The following ST6GAL1 variants were observed in gnomAD, a reference collection of about 807,000 sequenced individuals.
ST6GAL1 encodes the protein ST6 beta-galactoside alpha-2,6-sialyltransferase 1.
In ST6GAL1, 20 loss-of-function variants were observed where a neutral mutation model predicts 38.0. The observed-to-expected ratio is 0.53, with a 90% CI of 0.37 to 0.77. ST6GAL1 has a LOEUF of 0.77. ST6GAL1 is among the 30% of genes least tolerant of loss of function. The pLI is 0.00. For synonymous variants in ST6GAL1, 196 were observed against 188.2 expected, an observed-to-expected ratio of 1.04 and a Z score of -0.34; for missense variants, 432 against 496.4, an observed-to-expected ratio of 0.87 and a Z score of 1.23.
intron 2 of ST6GAL1, chr3:187,021,770 T>C (rs1374786845): frequency 6.9e-6 from 1 of 144,174 alleles, no homozygotes; most frequent in African/African-American, 2.6e-5. Context: ...AACCTTCCCA[T>C]GAGAGGTTCC....
intron 5 of ST6GAL1, chr3:187,064,519 G>C (rs1300169226): frequency 4.4e-6 from 2 of 456,656 alleles, no homozygotes; most frequent in East Asian, 1.4e-4. Context: ...TACACTTCTA[G>C]ATCTCTGTGC....
At chr3:186,989,348 C>A (rs1716071449) in intron 2 of ST6GAL1, among the ~76,000 whole-genome samples, 1 of 152,186 alleles carries the variant, frequency 6.6e-6, no homozygotes, top group African/African-American at 2.4e-5. Flanking sequence ...GGGAAGAGTT[C>A]AGTCCAACGT....
intron 2 of ST6GAL1, among the ~76,000 whole-genome samples, chr3:187,002,518 T>C (rs1178212837): frequency 2.6e-5 from 4 of 152,226 alleles, no homozygotes; most frequent in African/African-American, 7.2e-5. Context: ...CCTCATTTTT[T>C]ACATGGCCTT....
At chr3:186,937,476 AT>A (rs1714003310) in intron 1 of ST6GAL1, among the ~76,000 whole-genome samples, 2 of 152,172 alleles carry the variant, frequency 1.3e-5, no homozygotes, top group Admixed American at 6.5e-5. Context: ...CTTAACTTTA[AT>A]ACCCCAGTCT....
At chr3:187,071,601 C>T (rs67563526) in intron 5 of ST6GAL1, among the ~76,000 whole-genome samples, 3 of 150,080 alleles carry the variant, frequency 2.0e-5, no homozygotes, top group Non-Finnish European at 4.4e-5. Flanking sequence ...TACAAAAAAA[C>T]CCCCAAAAAA....
chr3:187,064,083 G>C (rs1719013563), intron 5 of ST6GAL1, among the ~76,000 whole-genome samples: 1 of 152,078 alleles, frequency 6.6e-6, no homozygotes, highest in South Asian at 2.1e-4. Flanking sequence ...AGGTGAGTCA[G>C]CTTGAGACCA....
intron 1 of ST6GAL1, among the ~76,000 whole-genome samples, chr3:186,949,096 C>A (rs1239287162): frequency 2.0e-5 from 3 of 152,134 alleles, no homozygotes; most frequent in Admixed American, 6.5e-5. Context: ...TTCCTACCTG[C>A]CAATTCTAGC....
At chr3:187,052,351 G>A (rs1560177484) in intron 5 of ST6GAL1, among the ~76,000 whole-genome samples, 1 of 152,148 alleles carries the variant, frequency 6.6e-6, no homozygotes, top group African/African-American at 2.4e-5. Context: ...ACAATGTGCA[G>A]ATTTGTTACA....
chr3:186,979,289 A>T (rs1326313582), intron 2 of ST6GAL1, among the ~76,000 whole-genome samples: 1 of 152,138 alleles, frequency 6.6e-6, no homozygotes, highest in Non-Finnish European at 1.5e-5. Context: ...TTGACCAGTG[A>T]GCTATGCACT....
intron 2 of ST6GAL1, among the ~76,000 whole-genome samples, chr3:187,009,199 C>G (rs913971270): frequency 4.0e-5 from 6 of 151,418 alleles, no homozygotes; most frequent in African/African-American, 1.2e-4. Context: ...ATATTGTGAG[C>G]ATTTTCCTGT....
chr3:186,968,478 G>A (rs901868790), intron 2 of ST6GAL1, among the ~76,000 whole-genome samples: 1 of 152,038 alleles, frequency 6.6e-6, no homozygotes, highest in Non-Finnish European at 1.5e-5. Context: ...TGAACATAAC[G>A]ATTACCCCTA....
At chr3:187,052,712 G>A (rs915751905) in intron 5 of ST6GAL1, among the ~76,000 whole-genome samples, 6 of 152,184 alleles carry the variant, frequency 3.9e-5, no homozygotes, top group African/African-American at 1.2e-4. Flanking sequence ...GGACCTTTGG[G>A]TTGGTTCCAA....
intron 2 of ST6GAL1, among the ~76,000 whole-genome samples, chr3:187,015,673 A>G (rs141330035): frequency 4.3e-4 from 66 of 152,152 alleles, no homozygotes; most frequent in Non-Finnish European, 7.8e-4. Context: ...ACCTGTTTCT[A>G]CAAAAAATTA....
chr3:187,022,202 T>C (rs2108565648), intron 2 of ST6GAL1, among the ~76,000 whole-genome samples: 1 of 152,118 alleles, frequency 6.6e-6, no homozygotes, highest in Admixed American at 6.5e-5. Context: ...TAGATAGTGT[T>C]GGAACTGAAT....
At chr3:187,021,478 G>A (rs58409806) in intron 2 of ST6GAL1, among the ~76,000 whole-genome samples, 1 of 151,494 alleles carries the variant, frequency 6.6e-6, no homozygotes, top group African/African-American at 2.4e-5. Context: ...AGTGGTTCAT[G>A]CCTGTAATCC....
At chr3:186,947,793 A>G (rs1174308295) in intron 1 of ST6GAL1, among the ~76,000 whole-genome samples, 1 of 152,234 alleles carries the variant, frequency 6.6e-6, no homozygotes, top group Non-Finnish European at 1.5e-5. Flanking sequence ...AAATTAGATC[A>G]TAGACGTTAA....
At chr3:186,972,583 A>G (rs1446737843) in intron 2 of ST6GAL1, among the ~76,000 whole-genome samples, 1 of 152,060 alleles carries the variant, frequency 6.6e-6, no homozygotes, top group Middle Eastern at 3.2e-3. Flanking sequence ...TACCTGCACT[A>G]GGGTGGATAG....
At chr3:187,062,574 T>TCACACACACACACA (rs57175575) in intron 5 of ST6GAL1, among the ~76,000 whole-genome samples, 21,422 of 143,458 alleles carry the variant, frequency 0.15, 1,913 homozygotes, top group Middle Eastern at 0.23. Flanking sequence ...AATAAGCCAG[T>TCACACACACACACA]CACACACACA....
At chr3:186,989,338 G>A (rs1425839644) in intron 2 of ST6GAL1, among the ~76,000 whole-genome samples, 2 of 152,192 alleles carry the variant, frequency 1.3e-5, no homozygotes, top group Non-Finnish European at 2.9e-5. Context: ...TAGGGGAATG[G>A]GGAAGAGTTC....
Sources: gnomAD v4.1 joint callset for allele counts (sites outside exome capture counted in the v4.1 genomes callset) on GRCh38, gnomAD v4.1.1 for gene constraint, MANE v1.5 for transcripts, NCBI Gene and HGNC (gene_info 2026-07-23, HGNC 2026-07-21) for gene names.